AJAP1: variants seen among roughly 807,000 people sequenced by gnomAD.
AJAP1 encodes the protein adherens junction-associated protein 1.
AJAP1 carries 5 observed loss-of-function variants against 35.0 expected under a neutral mutation model. The observed-to-expected ratio is 0.14, with a 90% CI of 0.07 to 0.30. The LOEUF is 0.30. AJAP1 is among the 10% of genes least tolerant of loss of function. The pLI is 1.00. For synonymous variants in AJAP1, 284 were observed against 249.3 expected, an observed-to-expected ratio of 1.14 and a Z score of -1.31; for missense variants, 586 against 571.0, an observed-to-expected ratio of 1.03 and a Z score of -0.27.
chr1:4,737,507 G>A (rs550193231), intron 2 of AJAP1, among the ~76,000 whole-genome samples: 2 of 151,902 alleles, frequency 1.3e-5, no homozygotes, highest in South Asian at 2.1e-4. Context: ...GAAGCCCCCC[G>A]AGATCTGCGA....
At position 4,675,689 on chromosome 1, in the gene AJAP1, G is replaced by A. The variant is rs74051931; in HGVS notation, c.29+20235G>A. On this transcript the variant is annotated intron_variant, in intron 1 of 5. Transcript: ENST00000378191. Reference sequence around the variant, plus strand: ...AGGCAGGACATTCCAGGGGCCCAGAGATGCCTTCCAGGAGCCCAGGGCAAA... The same window carrying A: ...AGGCAGGACATTCCAGGGGCCCAGAAATGCCTTCCAGGAGCCCAGGGCAAA... 2.6e-3 allele frequency among the ~76,000 whole-genome samples: 401 copies of A among 152,346 alleles called. 2 individuals are homozygous for A. Among genetic ancestry groups the A allele is most frequent in the Middle Eastern group, 0.017 (5 of 294 alleles).
At position 4,734,413 on chromosome 1, in the gene AJAP1, C is replaced by G. The variant is rs115725938; in HGVS notation, c.829+21714C>G. On this transcript the variant is annotated intron_variant, in intron 2 of 5. Transcript: ENST00000378191. This position sits in a 1 kb window ranked among gnomAD's most constrained non-coding sequence, Gnocchi z 4.3. ...TCTTAAATCAGCAGAGGCAGAGGCC[C>G]CGAGAGGTTAAGTGACTTGCCTGAG... 1.2e-4 allele frequency among the ~76,000 whole-genome samples: 19 copies of G among 152,274 alleles called. No homozygotes were observed. The highest frequency in any genetic ancestry group is 4.6e-4 in the African/African-American group (19 of 41,556).
At chr1:4,764,519 G>A (rs1641639179) in intron 2 of AJAP1, among the ~76,000 whole-genome samples, 1 of 152,140 alleles carries the variant, frequency 6.6e-6, no homozygotes. Context: ...GGACTGCTGT[G>A]AAATTTACAT....
At chr1:4,662,891 C>T (rs7517517) in intron 1 of AJAP1, among the ~76,000 whole-genome samples, 40,210 of 152,170 alleles carry the variant, frequency 0.26, 6,304 homozygotes, top group African/African-American at 0.45. Context: ...TATTTTGAAG[C>T]ATTAGAAGAA....
At chr1:4,658,700 C>T (rs902692309) in intron 1 of AJAP1, among the ~76,000 whole-genome samples, 1 of 152,214 alleles carries the variant, frequency 6.6e-6, no homozygotes, top group Non-Finnish European at 1.5e-5. Context: ...ATACACTGGC[C>T]AAGTGGAGGA....
At chr1:4,695,734 CTCT>C (rs1318439885) in intron 1 of AJAP1, among the ~76,000 whole-genome samples, 1 of 152,160 alleles carries the variant, frequency 6.6e-6, no homozygotes, top group Non-Finnish European at 1.5e-5. Context: ...CTGTTCTCAT[CTCT>C]TCTTTTAAGT....
At chr1:4,725,079 G>A (rs747214493) in intron 2 of AJAP1, among the ~76,000 whole-genome samples, 5 of 152,218 alleles carry the variant, frequency 3.3e-5, no homozygotes, top group Non-Finnish European at 5.9e-5. Context: ...CCAGCCCTCA[G>A]GGTCCAGGGA....
intron 1 of AJAP1, among the ~76,000 whole-genome samples, chr1:4,694,125 C>T (rs150381379): frequency 1.1e-4 from 17 of 152,266 alleles, no homozygotes; most frequent in East Asian, 7.7e-4. Context: ...CTGGGAGGGG[C>T]GGGGTGAGCC....
intron 1 of AJAP1, among the ~76,000 whole-genome samples, chr1:4,676,736 G>A (rs1376487153): frequency 6.6e-6 from 1 of 152,194 alleles, no homozygotes; most frequent in African/African-American, 2.4e-5. Flanking sequence ...GCACCAAGGG[G>A]GACAGGTGGC....
chr1:4,665,432 C>G (rs1386417253), intron 1 of AJAP1, among the ~76,000 whole-genome samples: 1 of 152,110 alleles, frequency 6.6e-6, no homozygotes, highest in Non-Finnish European at 1.5e-5. Context: ...TCTCTTTGAA[C>G]ACTCACAGCT....
rs1278779855 is a variant in AJAP1, at chr1:4,769,685, C to T, written c.830-168C>T. ...CAGCCTCATGCCCGGGGCCTGCAGT[C>T]GAGGAGGAGAGAACTGAGCACCTGT... On this transcript the variant is annotated intron_variant, in intron 2 of 5. Transcript: ENST00000378191. Among the ~76,000 whole-genome samples the T allele has an allele frequency of 3.9e-5, 6 of 152,234 alleles. 1 individual carries two copies. The highest frequency in any genetic ancestry group is 2.4e-5 in the African/African-American group (1 of 41,534).
chr1:4,716,098 C>G (rs552797554), intron 2 of AJAP1, among the ~76,000 whole-genome samples: 2 of 152,202 alleles, frequency 1.3e-5, no homozygotes, highest in African/African-American at 2.4e-5. Context: ...GTCTATAGCA[C>G]AGGTTGTTGC....
At chr1:4,743,755 G>A (rs749521282) in intron 2 of AJAP1, among the ~76,000 whole-genome samples, 1 of 152,224 alleles carries the variant, frequency 6.6e-6, no homozygotes, top group Non-Finnish European at 1.5e-5. Context: ...GGTCAAACTG[G>A]ATGAACTTCA....
chr1:4,742,735 T>G (rs2100319607), intron 2 of AJAP1, among the ~76,000 whole-genome samples: 1 of 152,280 alleles, frequency 6.6e-6, no homozygotes, highest in Admixed American at 6.5e-5. Context: ...AAAATGTGGG[T>G]TGGCTTCATG....
At chr1:4,762,167 G>C (rs1447014039) in intron 2 of AJAP1, among the ~76,000 whole-genome samples, 2 of 152,204 alleles carry the variant, frequency 1.3e-5, no homozygotes, top group African/African-American at 4.8e-5. Flanking sequence ...GCGCAGGACA[G>C]CAGTGAGGGG....
chr1:4,713,463 G>T (rs572139361), intron 2 of AJAP1, among the ~76,000 whole-genome samples: 1 of 152,328 alleles, frequency 6.6e-6, no homozygotes, highest in East Asian at 1.9e-4. Context: ...CAGTTTTGTT[G>T]TTTTTTATTT....
Position 4,784,742 on chromosome 1 carries a change from C to A in AJAP1, c.*2257C>A, listed in dbSNP as rs1247716421. The A allele has an allele frequency of 2.0e-5, 3 of 152,386 alleles. No homozygotes were observed. The East Asian group carries it at 5.8e-4, about 29-fold the overall frequency. The allele number at this position is 152,386 out of a possible 1,614,324, so 9.4% of individuals were successfully genotyped here. Reference sequence around the variant, plus strand: ...ATTTTCCCCCCAAGCTTTGGCACATCCTGAGACAATGCAAACATCCGCCAC... The same window carrying A: ...ATTTTCCCCCCAAGCTTTGGCACATACTGAGACAATGCAAACATCCGCCAC... On this transcript the variant is annotated 3_prime_UTR_variant, in exon 6 of 6. Coordinates refer to ENST00000378191, the MANE Select transcript of AJAP1 (RefSeq NM_018836.4).
rs1215489136 is a variant in AJAP1 at position 4,787,905 on chromosome 1, A to C, written c.*5420A>C. ...CCTTCTTAAACAGCATCTGCTTTTA[A>C]GTAAGCAGCTATTCCAAAACATGCC... On this transcript the variant is annotated 3_prime_UTR_variant, in exon 6 of 6. Transcript: ENST00000378191. The C allele has an allele frequency of 5.7e-6, 2 of 351,390 alleles. No individual in the cohort carries two copies. Among genetic ancestry groups the C allele is most frequent in the East Asian group, 1.6e-4 (2 of 12,540 alleles). The allele number at this position is 351,390 out of a possible 1,614,324, so 21.8% of individuals were successfully genotyped here.
chr1:4,689,830 G>A (rs1165737818), intron 1 of AJAP1, among the ~76,000 whole-genome samples: 2 of 152,322 alleles, frequency 1.3e-5, no homozygotes, highest in East Asian at 1.9e-4. Flanking sequence ...CGCCAAGGCC[G>A]CCCCCTCTCG....
Sources: gnomAD v4.1 joint callset for allele counts (sites outside exome capture counted in the v4.1 genomes callset) on GRCh38, gnomAD v4.1.1 for gene constraint, Gnocchi (gnomAD v3.1) non-coding constraint, MANE v1.5 for transcripts, NCBI Gene and HGNC (gene_info 2026-07-23, HGNC 2026-07-21) for gene names.